Variants in PDE4D observed in about 807,000 individuals in gnomAD.
PDE4D encodes the protein phosphodiesterase 4D, also known as 3',5'-cyclic-AMP phosphodiesterase 4D.
PDE4D carries 24 observed loss-of-function variants against 87.4 expected under a neutral mutation model. The observed-to-expected ratio is 0.27, with a 90% CI of 0.20 to 0.39. The LOEUF is 0.39. Ranked by LOEUF, PDE4D falls within the 10% of genes least tolerant of loss-of-function variation. The probability of loss-of-function intolerance (pLI) is 1.00; values close to 1 mark genes in which losing one functional copy is unlikely to be tolerated. For synonymous variants in PDE4D, 384 were observed against 383.2 expected (o/e 1.00, Z -0.02); for missense variants, 714 against 1,041.0 (o/e 0.69, Z 4.32).
chr5:60,478,465 G>A (rs956365846), intron 1 of PDE4D, among the ~76,000 whole-genome samples: 4 of 151,982 alleles, frequency 2.6e-5, no homozygotes, highest in Admixed American at 6.6e-5. Flanking sequence ...TCTCATTTCC[G>A]TAGCACTAGA....
chr5:60,246,424 T>C (rs544816318), intron 1 of PDE4D, among the ~76,000 whole-genome samples: 1 of 151,872 alleles, frequency 6.6e-6, no homozygotes, highest in South Asian at 2.1e-4. Flanking sequence ...CTATGAAACA[T>C]ATATTGAATC....
intron 1 of PDE4D, among the ~76,000 whole-genome samples, chr5:60,198,227 C>G (rs1427383894): frequency 6.6e-6 from 1 of 151,328 alleles, no homozygotes; most frequent in African/African-American, 2.4e-5. Context: ...ATAAAATAAA[C>G]TCCTTCAATG....
intron 1 of PDE4D, among the ~76,000 whole-genome samples, chr5:59,751,112 G>A (rs139188148): frequency 5.3e-4 from 80 of 152,266 alleles, no homozygotes; most frequent in Non-Finnish European, 9.1e-4. Context: ...TCACCTTGGT[G>A]AGCTAGTGAT....
intron 1 of PDE4D, among the ~76,000 whole-genome samples, chr5:59,300,529 T>C (rs1297670336): frequency 2.0e-5 from 3 of 152,206 alleles, no homozygotes; most frequent in Admixed American, 2.0e-4. Context: ...TGTGTTTGTT[T>C]GTTTTTCACA....
chr5:59,477,132 A>G (rs1803406297), intron 1 of PDE4D, among the ~76,000 whole-genome samples: 2 of 151,826 alleles, frequency 1.3e-5, no homozygotes, highest in South Asian at 4.1e-4. Flanking sequence ...CACCTACAAA[A>G]AATTAAAATG....
At chr5:59,291,744 T>G (rs1300000831) in intron 1 of PDE4D, among the ~76,000 whole-genome samples, 40 of 150,516 alleles carry the variant, frequency 2.7e-4, no homozygotes, top group Admixed American at 1.3e-3. Flanking sequence ...AGAAGTTTTT[T>G]TTTTTTTTTT....
At chr5:60,163,540 T>C (rs1782636501) in intron 2 of PDE4D, among the ~76,000 whole-genome samples, 1 of 152,154 alleles carries the variant, frequency 6.6e-6, no homozygotes, top group Non-Finnish European at 1.5e-5. Flanking sequence ...GTCTGACAAA[T>C]AACTGGCTGA....
intron 1 of PDE4D, among the ~76,000 whole-genome samples, chr5:59,593,450 T>G (rs1404133125): frequency 6.6e-6 from 1 of 152,214 alleles, no homozygotes; most frequent in Non-Finnish European, 1.5e-5. Context: ...ATAATTTAAT[T>G]AAACTTCTGA....
intron 1 of PDE4D, among the ~76,000 whole-genome samples, chr5:59,292,701 C>T (rs1768270994): frequency 6.6e-6 from 1 of 151,996 alleles, no homozygotes; most frequent in South Asian, 2.1e-4. Flanking sequence ...AAATGTTAGT[C>T]CTCATTTTGC....
intron 5 of PDE4D, among the ~76,000 whole-genome samples, chr5:59,162,777 C>A (rs1781309584): frequency 6.7e-6 from 1 of 148,844 alleles, no homozygotes; most frequent in African/African-American, 2.5e-5. Flanking sequence ...ATTGCTTGAG[C>A]CCAGGAGGTC....
At chr5:59,638,958 A>G (rs892741034) in intron 1 of PDE4D, among the ~76,000 whole-genome samples, 1 of 152,140 alleles carries the variant, frequency 6.6e-6, no homozygotes, top group Admixed American at 6.6e-5. Flanking sequence ...TCTTTTGTAA[A>G]GGGCTACATA....
intron 1 of PDE4D, among the ~76,000 whole-genome samples, chr5:59,295,324 G>C (rs900119100): frequency 6.6e-6 from 1 of 152,138 alleles, no homozygotes; most frequent in Non-Finnish European, 1.5e-5. Context: ...AAAAATATGA[G>C]GGAAACTTGA....
At chr5:60,332,003 A>C (rs987025874) in intron 1 of PDE4D, among the ~76,000 whole-genome samples, 9 of 151,800 alleles carry the variant, frequency 5.9e-5, no homozygotes, top group Non-Finnish European at 1.3e-4. Context: ...TGTGCATCTC[A>C]CTCTAGCTGT....
At chr5:59,008,263 C>T (rs143298029) in intron 6 of PDE4D, among the ~76,000 whole-genome samples, 35 of 151,958 alleles carry the variant, frequency 2.3e-4, no homozygotes, top group African/African-American at 7.0e-4. Context: ...CTTAAATTGG[C>T]CTAAATGAAT....
At chr5:59,747,572 A>G (rs1561585025) in intron 1 of PDE4D, among the ~76,000 whole-genome samples, 1 of 152,156 alleles carries the variant, frequency 6.6e-6, no homozygotes, top group Admixed American at 6.5e-5. Context: ...GAGATGATGG[A>G]TCATTTCTCA....
intron 1 of PDE4D, among the ~76,000 whole-genome samples, chr5:59,422,543 G>A (rs773233336): frequency 1.5e-4 from 23 of 152,162 alleles, no homozygotes; most frequent in Non-Finnish European, 2.5e-4. Context: ...GAAGCTTTCC[G>A]TTTGTAGTTC....
At chr5:60,121,381 T>C (rs1322504248) in intron 2 of PDE4D, among the ~76,000 whole-genome samples, 2 of 152,050 alleles carry the variant, frequency 1.3e-5, no homozygotes, top group African/African-American at 4.8e-5. Flanking sequence ...TTAGTCTGTT[T>C]TCATGTGGCG....
intron 2 of PDE4D, among the ~76,000 whole-genome samples, chr5:60,063,136 AAG>A (rs1771644694): frequency 6.6e-6 from 1 of 151,136 alleles, no homozygotes. Flanking sequence ...GAAAGAAAGA[AAG>A]AAAGAAAGAA....
intron 1 of PDE4D, among the ~76,000 whole-genome samples, chr5:59,403,174 C>CAGACAGAT (rs1400389898): frequency 3.5e-4 from 32 of 90,878 alleles, no homozygotes; most frequent in East Asian, 1.8e-3. Flanking sequence ...GACAGACAGA[C>CAGACAGAT]AGATAGATAG....
Sources: allele counts gnomAD v4.1 joint callset (sites outside exome capture counted in the v4.1 genomes callset), GRCh38; gene constraint gnomAD v4.1.1; transcripts MANE v1.5; gene names NCBI Gene and HGNC (gene_info 2026-07-23, HGNC 2026-07-21).